The following PTPRN2 variants were observed in gnomAD, a reference collection of about 807,000 sequenced individuals.
The protein encoded by PTPRN2 is receptor-type tyrosine-protein phosphatase N2.
A neutral mutation model predicts 118.8 loss-of-function variants in PTPRN2; 74 were observed. The ratio of observed to expected loss-of-function variants is 0.62; its 90% CI spans 0.52 to 0.76. The LOEUF (loss-of-function observed/expected upper bound fraction) is 0.76. Ranked by LOEUF, PTPRN2 falls within the 30% of genes least tolerant of loss-of-function variation. PTPRN2 has a pLI of 0.00. For synonymous variants in PTPRN2, 641 were observed against 608.0 expected, an observed-to-expected ratio of 1.05 and a Z score of -0.80; for missense variants, 1,481 against 1,394.4, an observed-to-expected ratio of 1.06 and a Z score of -0.99.
At chr7:157,621,540 C>T (rs760975864) in intron 14 of PTPRN2, 31 bp from the exon 15 acceptor site, 6 of 1,607,736 alleles carry the variant, frequency 3.7e-6, no homozygotes, top group Non-Finnish European at 5.1e-6. Context: ...CAGGAGCGCA[C>T]CTAGGTGGTG....
At chr7:157,573,931 C>T (rs977167433) in intron 19 of PTPRN2, among the ~76,000 whole-genome samples, 1 of 150,944 alleles carries the variant, frequency 6.6e-6, no homozygotes, top group Non-Finnish European at 1.5e-5. Context: ...AGTGTAGATA[C>T]AGGGTGTGGC....
intron 10 of PTPRN2, among the ~76,000 whole-genome samples, chr7:158,096,493 C>A (rs143807938): frequency 6.6e-6 from 1 of 152,364 alleles, no homozygotes; most frequent in East Asian, 1.9e-4. Context: ...CCACCTTTCA[C>A]TCAAACAGAA....
intron 1 of PTPRN2, among the ~76,000 whole-genome samples, chr7:158,493,955 C>G (rs921063621): frequency 6.6e-6 from 1 of 152,256 alleles, no homozygotes; most frequent in Non-Finnish European, 1.5e-5. Context: ...TGATCTTGTT[C>G]TGATTCTGCT....
chr7:157,558,206 C>A (rs1255059007), intron 21 of PTPRN2, among the ~76,000 whole-genome samples: 2 of 152,210 alleles, frequency 1.3e-5, no homozygotes, highest in Non-Finnish European at 2.9e-5. Flanking sequence ...GCTGCCATCC[C>A]ACCTACCTGC....
intron 12 of PTPRN2, among the ~76,000 whole-genome samples, chr7:157,844,489 G>A (rs565702807): frequency 6.6e-6 from 1 of 152,336 alleles, no homozygotes; most frequent in African/African-American, 2.4e-5. Flanking sequence ...ACGACCCAAA[G>A]CCACTGAGGA....
At chr7:158,270,857 C>CT (rs1406778101) in intron 3 of PTPRN2, among the ~76,000 whole-genome samples, 336 of 31,838 alleles carry the variant, frequency 0.011, 26 homozygotes, top group African/African-American at 0.026. Flanking sequence ...GGACCGCCCC[C>CT]CCACCTGGAC....
intron 5 of PTPRN2, among the ~76,000 whole-genome samples, chr7:158,184,543 C>T (rs1824978767): frequency 6.6e-6 from 1 of 152,176 alleles, no homozygotes; most frequent in Admixed American, 6.5e-5. Flanking sequence ...CTCATTTCTT[C>T]TTGTTTTATT....
chr7:158,149,198 T>G (rs867615962), intron 6 of PTPRN2, among the ~76,000 whole-genome samples: 8 of 148,380 alleles, frequency 5.4e-5, no homozygotes, highest in Admixed American at 2.7e-4. Context: ...CCTCCTCAAG[T>G]GCACGAGTGT....
At chr7:158,407,340 C>G (rs370001226) in intron 2 of PTPRN2, among the ~76,000 whole-genome samples, 30 of 30,918 alleles carry the variant, frequency 9.7e-4, no homozygotes, top group Admixed American at 2.0e-3. Context: ...CTGGGTCCTG[C>G]GTCCTGGGTC....
intron 12 of PTPRN2, among the ~76,000 whole-genome samples, chr7:157,894,067 T>C (rs1023793307): frequency 3.9e-5 from 6 of 152,122 alleles, no homozygotes; most frequent in African/African-American, 9.7e-5. Flanking sequence ...TAGTTTCAGT[T>C]CTTAAAACCT....
intron 9 of PTPRN2, among the ~76,000 whole-genome samples, chr7:158,133,123 G>A (rs1238445321): frequency 6.6e-6 from 1 of 152,200 alleles, no homozygotes; most frequent in Non-Finnish European, 1.5e-5. Context: ...TCGCTGCTGT[G>A]AAGCCCCTTC....
rs147451295 is a variant in PTPRN2, at chr7:157,670,707, G to A, written c.2001+12018C>T. Among the ~76,000 whole-genome samples the A allele has an allele frequency of 1.6e-3, 240 of 152,300 alleles. 1 individual carries two copies. Among genetic ancestry groups the A allele is most frequent in the African/African-American group, 5.5e-3 (227 of 41,566 alleles). ...CTCACCGGGCAATTAAGTTCTAAGGGCTTCCAAAAAAGTCAGTGGTGCCTT... is the reference window on the plus strand; with the variant it reads ...CTCACCGGGCAATTAAGTTCTAAGGACTTCCAAAAAAGTCAGTGGTGCCTT... On this transcript the variant is annotated intron_variant, in intron 13 of 22. Coordinates refer to ENST00000389418, the MANE Select transcript of PTPRN2 (RefSeq NM_002847.5).
chr7:158,120,456 G>A (rs148367630), intron 9 of PTPRN2, among the ~76,000 whole-genome samples: 3 of 152,218 alleles, frequency 2.0e-5, no homozygotes, highest in East Asian at 1.9e-4. Flanking sequence ...ACCAGCCTTC[G>A]TCCAATCTCT....
chr7:157,542,247 G>A (rs1411496885), intron 22 of PTPRN2, among the ~76,000 whole-genome samples: 1 of 152,198 alleles, frequency 6.6e-6, no homozygotes, highest in Non-Finnish European at 1.5e-5. Flanking sequence ...GGGGATCCAG[G>A]CTAAATACAC....
At chr7:157,621,132 AACCCAGTCCTC>A (rs1803177697) in intron 15 of PTPRN2, among the ~76,000 whole-genome samples, 2 of 53,414 alleles carry the variant, frequency 3.7e-5, no homozygotes, top group Admixed American at 1.9e-4. Context: ...CCCCTCCTGT[AACCCAGTCCTC>A]CCGCCCCCGG....
chr7:158,075,244 C>A (rs1184529415), intron 11 of PTPRN2, among the ~76,000 whole-genome samples: 1 of 152,134 alleles, frequency 6.6e-6, no homozygotes, highest in African/African-American at 2.4e-5. Flanking sequence ...GGGTGCAGCT[C>A]CTACCATCTC....
At chr7:158,305,804 AAAAG>A (rs1328275973) in intron 3 of PTPRN2, among the ~76,000 whole-genome samples, 45 of 152,138 alleles carry the variant, frequency 3.0e-4, no homozygotes, top group Admixed American at 2.6e-4. Flanking sequence ...AAAAAAAAAA[AAAAG>A]AAAGAAAGAA....
chr7:157,932,350 G>A (rs141586185), intron 11 of PTPRN2, among the ~76,000 whole-genome samples: 20 of 152,022 alleles, frequency 1.3e-4, no homozygotes, highest in African/African-American at 4.3e-4. Context: ...GCATACCGAC[G>A]TCATGTCTCT....
chr7:158,105,908 A>C (rs1815645651), intron 10 of PTPRN2, among the ~76,000 whole-genome samples: 1 of 144,282 alleles, frequency 6.9e-6, no homozygotes, highest in African/African-American at 2.6e-5. Context: ...CTCCATCACT[A>C]CTCCATCTCA....
Sources: allele counts gnomAD v4.1 joint callset (sites outside exome capture counted in the v4.1 genomes callset), GRCh38; gene constraint gnomAD v4.1.1; transcripts MANE v1.5; gene names NCBI Gene and HGNC (gene_info 2026-07-23, HGNC 2026-07-21).